The following UNC13B variants were observed in gnomAD, a reference collection of about 807,000 sequenced individuals.
UNC13B encodes the protein unc-13 homolog B, also known as protein unc-13 homolog B.
Under a neutral mutation model 211.0 loss-of-function variants are expected in UNC13B, and 144 were observed. That is an observed-to-expected ratio of 0.68 (90% CI 0.60 to 0.78). UNC13B has a LOEUF of 0.78. Ranked by LOEUF, UNC13B falls within the 30% of genes least tolerant of loss-of-function variation. The pLI, the probability that UNC13B is intolerant of heterozygous loss-of-function variation, is 0.00. For missense variants in UNC13B, 1,777 were observed against 2,002.0 expected, an observed-to-expected ratio of 0.89 and a Z score of 2.14; for synonymous variants, 709 against 725.8, an observed-to-expected ratio of 0.98 and a Z score of 0.37.
At chr9:35,181,392 T>C (rs1467686761) in intron 1 of UNC13B, among the ~76,000 whole-genome samples, 1 of 152,230 alleles carries the variant, frequency 6.6e-6, no homozygotes, top group Non-Finnish European at 1.5e-5. Flanking sequence ...CTGTGTTTTA[T>C]TGACATATAG....
intron 7 of UNC13B, among the ~76,000 whole-genome samples, chr9:35,259,999 T>G (rs1191656395): frequency 8.2e-6 from 1 of 121,222 alleles, no homozygotes; most frequent in Non-Finnish European, 1.6e-5. Context: ...CCCAGGAGTC[T>G]GAGACCAGTT....
chr9:35,290,996 G>A (rs1829070725), intron 7 of UNC13B: 2 of 1,466,752 alleles, frequency 1.4e-6, no homozygotes, highest in African/African-American at 1.4e-5. Context: ...TGCTGAGATG[G>A]GGAAATGACT....
chr9:35,205,322 AAC>A (rs746148205), intron 1 of UNC13B, among the ~76,000 whole-genome samples: 1 of 152,008 alleles, frequency 6.6e-6, no homozygotes, highest in Non-Finnish European at 1.5e-5. Context: ...CACACACACA[AAC>A]ACACACACAT....
At chr9:35,309,663 A>C (rs1564127322) in intron 9 of UNC13B, among the ~76,000 whole-genome samples, 1 of 152,150 alleles carries the variant, frequency 6.6e-6, no homozygotes, top group Non-Finnish European at 1.5e-5. Context: ...GATTGAGAAA[A>C]GATTGGCTTG....
At position 35,295,915 on chromosome 9, in the gene UNC13B, A is replaced by G; in HGVS notation, c.746A>G (p.Glu249Gly). The change falls in exon 8 of 40, where the codon GAG becomes GGG. Residue 249 changes from glutamate (E) to glycine (G), a missense_variant. By Grantham distance (98) the Glu-to-Gly change is moderately conservative (BLOSUM62 -2). Transcript: ENST00000635942. ...CAAAGTTATGACCTTGATTATCCAG[A>G]GCGGCGGGCTATCAGGTGGGTATTG... ...SMQSYDLDYPERRAIRYAQKY... is the reference protein window; with the variant it reads ...SMQSYDLDYPGRRAIRYAQKY... 6.2e-7 allele frequency: 1 copy of G among 1,610,666 alleles called. No individual in the cohort carries two copies.
In UNC13B at chr9:35,397,679, G is replaced by A; in HGVS notation, c.11721G>A (p.Lys3907=). The change falls in exon 30 of 40, where the codon AAG becomes AAA. Residue 3907 remains lysine (K), a synonymous_variant. Transcript: ENST00000635942. ...TGCAGTATGCAGACATCTTGTCAAA[G>A]GACTTCCCAGCCTATTGCACAAAGG... The part of the protein sequence containing the change: ...VLMQYADILS[K]DFPAYCTKEK... 6.2e-7 allele frequency: 1 copy of A among 1,614,056 alleles called. No individual in the cohort carries two copies. The highest frequency in any genetic ancestry group is 8.5e-7 in the Non-Finnish European group (1 of 1,179,986).
chr9:35,219,774 T>C (rs893868465), intron 1 of UNC13B, among the ~76,000 whole-genome samples: 3 of 152,218 alleles, frequency 2.0e-5, no homozygotes, highest in African/African-American at 7.2e-5. Context: ...AAAAATGGTG[T>C]ACAGTGGATA....
chr9:35,250,520 T>C (rs1826400975), intron 6 of UNC13B, among the ~76,000 whole-genome samples: 2 of 152,250 alleles, frequency 1.3e-5, no homozygotes, highest in Non-Finnish European at 2.9e-5. Flanking sequence ...CAAATAACAT[T>C]CCATTGTATG....
At chr9:35,228,843 G>T (rs1276795300) in intron 2 of UNC13B, among the ~76,000 whole-genome samples, 1 of 151,250 alleles carries the variant, frequency 6.6e-6, no homozygotes, top group East Asian at 2.0e-4. Context: ...ATTAATACTT[G>T]ATTAATATTT....
At position 35,307,101 on chromosome 9, in the gene UNC13B, A is replaced by T. The variant is rs1473270161; in HGVS notation, c.7697A>T (p.Asp2566Val). The T allele has an allele frequency of 5.0e-6, 2 of 398,932 alleles. No homozygotes were observed. Among genetic ancestry groups the T allele is most frequent in the African/African-American group, 4.1e-5 (2 of 48,636 alleles). 24.7% of individuals were successfully genotyped at this position (398,932 alleles called of 1,614,324 possible). A position where few individuals can be genotyped will look rare whatever the true frequency, so the allele number is the denominator to read the frequency against. ...TALSSESTLS[D>V]CRMTVVSAKP... ...CTAAGTTCAGAATCTACTCTCAGTG[A>T]CTGTAGAATGACTGTGGTTAGTGCA... The change falls in exon 9 of 40, where the codon GAC becomes GTC. Residue 2566 changes from aspartate (D) to valine (V), a missense_variant. By Grantham distance (152) the Asp-to-Val change is radical (BLOSUM62 -3). Coordinates refer to ENST00000635942, the MANE Select transcript of UNC13B (RefSeq NM_001371189.2).
chr9:35,380,742 T>C, intron 18 of UNC13B, 103 bp downstream of exon 18: 3 of 1,452,248 alleles, frequency 2.1e-6, no homozygotes, highest in Non-Finnish European at 2.8e-6. Flanking sequence ...AAAGCATACC[T>C]CTATACAGAG....
Position 35,162,200 on chromosome 9 carries a change from G to C in UNC13B, c.-84G>C, listed in dbSNP as rs1820812730. 1 of 1,532,464 alleles carries C rather than the reference G, an allele frequency of 6.5e-7. No homozygotes were observed. Among genetic ancestry groups the C allele is most frequent in the Non-Finnish European group, 8.8e-7 (1 of 1,139,878 alleles). The allele number at this position is 1,532,464 out of a possible 1,614,324, so 94.9% of individuals were successfully genotyped here. On this transcript the variant is annotated 5_prime_UTR_variant, in exon 1 of 40. Transcript: ENST00000635942. ...GCCAGACCCGTGGGGCCGGTAACGAGAGCAGTCGCGGCACCTGCTGAGAGG... is the reference window on the plus strand; with the variant it reads ...GCCAGACCCGTGGGGCCGGTAACGACAGCAGTCGCGGCACCTGCTGAGAGG...
At chr9:35,363,405 G>T (rs1414220385) in intron 11 of UNC13B, among the ~76,000 whole-genome samples, 1 of 152,202 alleles carries the variant, frequency 6.6e-6, no homozygotes, top group Non-Finnish European at 1.5e-5. Flanking sequence ...ATTATCCTGG[G>T]GGGGTTGAGA....
At chr9:35,330,085 C>T (rs1344639769) in intron 11 of UNC13B, among the ~76,000 whole-genome samples, 1 of 152,130 alleles carries the variant, frequency 6.6e-6, no homozygotes, top group Non-Finnish European at 1.5e-5. Flanking sequence ...ATTAGCTCAC[C>T]CTTAAAATCT....
At chr9:35,352,314 C>A (rs1587679596) in intron 11 of UNC13B, 2 of 1,232,166 alleles carry the variant, frequency 1.6e-6, no homozygotes, top group African/African-American at 1.5e-5. Flanking sequence ...GCTTACAGGG[C>A]AGGCACATCC....
intron 11 of UNC13B, among the ~76,000 whole-genome samples, chr9:35,363,049 A>G (rs562306574): frequency 6.6e-6 from 1 of 152,256 alleles, no homozygotes; most frequent in South Asian, 2.1e-4. Context: ...GGCTAATGGA[A>G]CAGAATGAGT....
At chr9:35,342,337 G>T (rs1358102051) in intron 11 of UNC13B, 2 of 985,504 alleles carry the variant, frequency 2.0e-6, no homozygotes, top group African/African-American at 1.8e-5. Flanking sequence ...TTTGGTTGCA[G>T]CAGCAAGGTA....
Position 35,397,156 on chromosome 9 carries a change from G to A in UNC13B, c.11533-11G>A. ...GCTGTGGATGGTGACCCTGTGTGTGGTCTTCCTTAGTTCCAGCAGACATCA... is the reference window on the plus strand; with the variant it reads ...GCTGTGGATGGTGACCCTGTGTGTGATCTTCCTTAGTTCCAGCAGACATCA... On this transcript the variant is annotated splice_polypyrimidine_tract_variant and intron_variant, in intron 28 of 39. Coordinates refer to ENST00000635942, the MANE Select transcript of UNC13B (RefSeq NM_001371189.2). The A allele has an allele frequency of 6.2e-7, 1 of 1,613,560 alleles. No individual in the cohort carries two copies. The highest frequency in any genetic ancestry group is 8.5e-7 in the Non-Finnish European group (1 of 1,179,576).
At chr9:35,190,876 T>A (rs912514367) in intron 1 of UNC13B, among the ~76,000 whole-genome samples, 4 of 152,212 alleles carry the variant, frequency 2.6e-5, no homozygotes, top group Non-Finnish European at 5.9e-5. Flanking sequence ...TTTCAGCTTT[T>A]GAATGTCACA....
Sources: allele counts gnomAD v4.1 joint callset (sites outside exome capture counted in the v4.1 genomes callset), GRCh38; gene constraint gnomAD v4.1.1; transcripts MANE v1.5; gene names NCBI Gene and HGNC (gene_info 2026-07-23, HGNC 2026-07-21).